WNT7B: variants seen among roughly 807,000 people sequenced by gnomAD.
WNT7B encodes Wnt family member 7B.
WNT7B carries 19 observed loss-of-function variants against 38.2 expected under a neutral mutation model. The observed-to-expected ratio is 0.50, with a 90% CI of 0.35 to 0.73. The LOEUF (loss-of-function observed/expected upper bound fraction) is 0.73, where lower values mean the gene tolerates loss of function less well. WNT7B is among the 30% of genes least tolerant of loss of function. WNT7B has a pLI of 0.01. For missense variants in WNT7B, 423 were observed against 507.9 expected (o/e 0.83, Z 1.61); for synonymous variants, 243 against 209.3 (o/e 1.16, Z -1.39).
At chr22:45,961,784 GT>G (rs1226801606) in intron 1 of WNT7B, among the ~76,000 whole-genome samples, 1 of 152,236 alleles carries the variant, frequency 6.6e-6, no homozygotes, top group African/African-American at 2.4e-5. Context: ...ACCTGCAGCT[GT>G]GTCCTAAAGA....
Position 45,965,269 on chromosome 22 carries a change from C to T in WNT7B, c.71+11415G>A, listed in dbSNP as rs1455174011. On this transcript the variant is annotated intron_variant, in intron 1 of 3. Coordinates refer to ENST00000339464, the MANE Select transcript of WNT7B (RefSeq NM_058238.3). The surrounding 1 kb of genome is among the most constrained non-coding windows in gnomAD (Gnocchi z 6.5). Reference sequence around the variant, plus strand: ...CTTACTTGAGAGGTCTTCCCTGGGCCACCCTCATCACAGATGGCTTAGAGC... The same window carrying T: ...CTTACTTGAGAGGTCTTCCCTGGGCTACCCTCATCACAGATGGCTTAGAGC... Among the ~76,000 whole-genome samples, 2 of 152,218 alleles carry T rather than the reference C, an allele frequency of 1.3e-5. 1 individual carries two copies.
At chr22:45,940,241 A>G (rs1931612404) in intron 2 of WNT7B, among the ~76,000 whole-genome samples, 19 of 151,462 alleles carry the variant, frequency 1.3e-4, no homozygotes, top group Admixed American at 1.2e-3. Flanking sequence ...ATGAACTAAG[A>G]CCCCCCACTT....
chr22:45,930,229 C>A (rs930462945), intron 3 of WNT7B, among the ~76,000 whole-genome samples: 8 of 152,262 alleles, frequency 5.3e-5, no homozygotes, highest in African/African-American at 1.9e-4. Context: ...CCGTGCCCAG[C>A]CTAGCACCTG....
chr22:45,931,591 G>A (rs1931362731), intron 2 of WNT7B, among the ~76,000 whole-genome samples: 1 of 151,832 alleles, frequency 6.6e-6, no homozygotes, highest in Non-Finnish European at 1.5e-5. Context: ...CAGGCCCCAG[G>A]TCACCCTGTG....
chr22:45,956,845 C>A (rs1298771123), intron 1 of WNT7B, among the ~76,000 whole-genome samples: 2 of 152,164 alleles, frequency 1.3e-5, no homozygotes, highest in African/African-American at 4.8e-5. Flanking sequence ...CGGTGGCTCA[C>A]GCCTGTAATC....
At chr22:45,937,410 A>G (rs1931539597) in intron 2 of WNT7B, among the ~76,000 whole-genome samples, 1 of 152,176 alleles carries the variant, frequency 6.6e-6, no homozygotes, top group African/African-American at 2.4e-5. Context: ...CTGTCTCCCT[A>G]CCTGCAAAAT....
At chr22:45,964,165 T>C (rs1189674216) in intron 1 of WNT7B, among the ~76,000 whole-genome samples, 3 of 151,918 alleles carry the variant, frequency 2.0e-5, no homozygotes, top group Admixed American at 2.0e-4. Flanking sequence ...ACTGCAGACA[T>C]GGAGTGACTG....
intron 2 of WNT7B, among the ~76,000 whole-genome samples, chr22:45,936,335 C>A (rs1350973685): frequency 6.6e-6 from 1 of 152,220 alleles, no homozygotes; most frequent in Non-Finnish European, 1.5e-5. Context: ...AGATGGTGGG[C>A]AGTCCAGGGC....
At chr22:45,955,736 T>G (rs1370821081) in intron 1 of WNT7B, among the ~76,000 whole-genome samples, 1 of 152,186 alleles carries the variant, frequency 6.6e-6, no homozygotes, top group Non-Finnish European at 1.5e-5. Flanking sequence ...GAAAGTTTCC[T>G]TACCCCAGCC....
chr22:45,957,104 C>CA (rs34329899), intron 1 of WNT7B, among the ~76,000 whole-genome samples: 17,996 of 79,882 alleles, frequency 0.23, 1,498 homozygotes, highest in South Asian at 0.39. Context: ...GACTCTGTCT[C>CA]AAAAAAAAAA....
Position 45,957,682 on chromosome 22 carries a change from CAAAAAAAAAAAAAA to C in WNT7B, c.72-7550_72-7537del, listed in dbSNP as rs367797133. Among the ~76,000 whole-genome samples the C allele has an allele frequency of 2.4e-3, 86 of 36,020 alleles. 2 individuals carry two copies. Among genetic ancestry groups the C allele is most frequent in the African/African-American group, 7.4e-3 (77 of 10,460 alleles). 23.6% of individuals were successfully genotyped at this position (36,020 alleles called of 152,430 possible). On this transcript the variant is annotated intron_variant, in intron 1 of 3. Transcript: ENST00000339464. The stretch of plus-strand genomic sequence containing the variant: ...TGCGTGAGGGAGCAAGACTCCGTCT[CAAAAAAAAAAAAAA>C]AAAAAAAAAAAAAAAACAGAAAACA...
At chr22:45,931,018 A>T (rs1931332105) in intron 3 of WNT7B, 80 bp downstream of exon 3, 2 of 1,460,430 alleles carry the variant, frequency 1.4e-6, no homozygotes, top group Non-Finnish European at 1.8e-6. Flanking sequence ...CTGCTAGAAG[A>T]GGAGCCTGAG....
chr22:45,931,887 G>C (rs951301225), intron 2 of WNT7B, among the ~76,000 whole-genome samples: 4 of 152,176 alleles, frequency 2.6e-5, no homozygotes, highest in Admixed American at 2.0e-4. Context: ...GGGGAGCATG[G>C]GGGGCCTCGT....
At chr22:45,960,645 C>T (rs970130801) in intron 1 of WNT7B, among the ~76,000 whole-genome samples, 7 of 152,240 alleles carry the variant, frequency 4.6e-5, no homozygotes, top group African/African-American at 1.7e-4. Flanking sequence ...TGTAATTCTT[C>T]CTTCTCAGGC....
At chr22:45,939,339 G>A (rs1931586666) in intron 2 of WNT7B, among the ~76,000 whole-genome samples, 1 of 152,206 alleles carries the variant, frequency 6.6e-6, no homozygotes, top group Non-Finnish European at 1.5e-5. Context: ...TTGTGCAGAA[G>A]TATTCATAGC....
chr22:45,929,222 C>A (rs576332239), intron 3 of WNT7B, among the ~76,000 whole-genome samples: 21 of 152,342 alleles, frequency 1.4e-4, no homozygotes, highest in Admixed American at 5.2e-4. Flanking sequence ...GTGAACCACA[C>A]TTTCCTCTGG....
intron 1 of WNT7B, among the ~76,000 whole-genome samples, chr22:45,959,095 C>G (rs566463502): frequency 6.6e-6 from 1 of 152,208 alleles, no homozygotes; most frequent in Non-Finnish European, 1.5e-5. Context: ...CAGCTGTCAC[C>G]GCAGAATGAG....
intron 2 of WNT7B, among the ~76,000 whole-genome samples, chr22:45,934,826 G>C (rs539893126): frequency 9.7e-4 from 148 of 152,336 alleles, no homozygotes; most frequent in Non-Finnish European, 1.8e-3. Context: ...CTGGTCTCTC[G>C]TCATGGAGAC....
rs911145153 is a variant in WNT7B at position 45,922,656 on chromosome 22, G to A, written c.*200C>T. On this transcript the variant is annotated 3_prime_UTR_variant, in exon 4 of 4. Transcript: ENST00000339464. ...GTGCTGTTCTGCCGCAGGAGGTGAT[G>A]GGAGGAGGTGGCAGGAAGGAGCCCC... 1.5e-5 allele frequency: 12 copies of A among 823,402 alleles called. No homozygotes were observed. Among genetic ancestry groups the A allele is most frequent in the Non-Finnish European group, 2.2e-5 (12 of 545,232 alleles). The allele number at this position is 823,402 out of a possible 1,614,324, so 51.0% of individuals were successfully genotyped here. A position where few individuals can be genotyped will look rare whatever the true frequency, so the allele number is the denominator to read the frequency against.
Sources: gnomAD v4.1 joint callset for allele counts (sites outside exome capture counted in the v4.1 genomes callset) on GRCh38, gnomAD v4.1.1 for gene constraint, Gnocchi (gnomAD v3.1) non-coding constraint, MANE v1.5 for transcripts, NCBI Gene and HGNC (gene_info 2026-07-23, HGNC 2026-07-21) for gene names.